RAB27B: variants seen among roughly 807,000 people sequenced by gnomAD.
RAB27B encodes the protein RAB27B, member RAS oncogene family, also known as ras-related protein Rab-27B.
Under a neutral mutation model 24.6 loss-of-function variants are expected in RAB27B, and 15 were observed. The observed-to-expected ratio is 0.61, with a 90% CI of 0.41 to 0.94. The LOEUF is 0.94. RAB27B is among the 40% of genes least tolerant of loss of function. RAB27B has a pLI of 0.00. For synonymous variants in RAB27B, 105 were observed against 92.5 expected (o/e 1.14, Z -0.78); for missense variants, 261 against 266.8 (o/e 0.98, Z 0.15).
chr18:54,767,998 C>T (rs940022897), intron 2 of RAB27B, among the ~76,000 whole-genome samples: 4 of 152,016 alleles, frequency 2.6e-5, no homozygotes, highest in South Asian at 2.1e-4. Context: ...CAAGAATCTC[C>T]GGCTAATAGA....
intron 2 of RAB27B, among the ~76,000 whole-genome samples, chr18:54,735,102 T>C (rs9949234): frequency 0.064 from 9,774 of 152,222 alleles, 403 homozygotes; most frequent in African/African-American, 0.093. Context: ...CATAAATCTT[T>C]GGCATTACTT....
chr18:54,869,675 C>T (rs1912386183), intron 1 of RAB27B, among the ~76,000 whole-genome samples: 1 of 152,148 alleles, frequency 6.6e-6, no homozygotes, highest in Non-Finnish European at 1.5e-5. Flanking sequence ...GATTAATAAC[C>T]TAGGTTATAT....
At chr18:54,808,986 C>A (rs976397809) in intron 2 of RAB27B, among the ~76,000 whole-genome samples, 1 of 152,212 alleles carries the variant, frequency 6.6e-6, no homozygotes, top group African/African-American at 2.4e-5. Context: ...CACAGAAGAA[C>A]TTTTCCTTAG....
At chr18:54,876,373 G>T (rs573261665) in intron 1 of RAB27B, among the ~76,000 whole-genome samples, 2 of 152,210 alleles carry the variant, frequency 1.3e-5, no homozygotes, top group African/African-American at 4.8e-5. Flanking sequence ...ATTTAATTTT[G>T]ATTACCCCAG....
chr18:54,775,863 C>G, intron 2 of RAB27B, among the ~76,000 whole-genome samples: 1 of 152,182 alleles, frequency 6.6e-6, no homozygotes, highest in African/African-American at 2.4e-5. Flanking sequence ...TCGGCACAGT[C>G]ATTCAACATC....
At chr18:54,850,503 A>G (rs867852209) in intron 1 of RAB27B, among the ~76,000 whole-genome samples, 114 of 150,978 alleles carry the variant, frequency 7.6e-4, no homozygotes, top group African/African-American at 2.6e-3. Flanking sequence ...AATAGCTGGG[A>G]CTACAGGTGT....
intron 2 of RAB27B, among the ~76,000 whole-genome samples, chr18:54,754,841 GT>G (rs935073724): frequency 6.6e-6 from 1 of 152,098 alleles, no homozygotes; most frequent in African/African-American, 2.4e-5. Context: ...TCTTTAAATT[GT>G]TTCCTGAGTT....
intron 1 of RAB27B, among the ~76,000 whole-genome samples, chr18:54,840,907 G>C (rs1160257153): frequency 6.6e-6 from 1 of 152,098 alleles, no homozygotes; most frequent in Non-Finnish European, 1.5e-5. Context: ...CCAGCACTTT[G>C]GGAGGCTGAG....
intron 2 of RAB27B, among the ~76,000 whole-genome samples, chr18:54,726,334 C>T (rs902219702): frequency 2.0e-5 from 3 of 151,318 alleles, no homozygotes; most frequent in Non-Finnish European, 3.0e-5. Context: ...AGTGGTTGGC[C>T]GAAGAGAATT....
chr18:54,886,362 G>C (rs1344635222), intron 4 of RAB27B, among the ~76,000 whole-genome samples: 1 of 152,058 alleles, frequency 6.6e-6, no homozygotes, highest in Non-Finnish European at 1.5e-5. Context: ...CCATACCTGG[G>C]TGAGTGCCTG....
At chr18:54,887,434 T>A (rs1019696374) in intron 4 of RAB27B, among the ~76,000 whole-genome samples, 1 of 152,050 alleles carries the variant, frequency 6.6e-6, no homozygotes, top group Non-Finnish European at 1.5e-5. Flanking sequence ...TGCTGTATTA[T>A]TAGAAGAAAT....
intron 2 of RAB27B, among the ~76,000 whole-genome samples, chr18:54,773,818 G>A (rs1199413386): frequency 2.0e-5 from 3 of 151,922 alleles, no homozygotes; most frequent in African/African-American, 7.3e-5. Flanking sequence ...GGGATTACAG[G>A]CACCTGCCAC....
At chr18:54,798,339 G>A (rs899757606) in intron 2 of RAB27B, among the ~76,000 whole-genome samples, 2 of 152,212 alleles carry the variant, frequency 1.3e-5, no homozygotes, top group Admixed American at 6.5e-5. Flanking sequence ...CATAGAGGGC[G>A]AGGGCTTGAA....
chr18:54,730,652 T>G (rs904405606), intron 2 of RAB27B, among the ~76,000 whole-genome samples: 9 of 151,954 alleles, frequency 5.9e-5, no homozygotes, highest in Non-Finnish European at 1.3e-4. Flanking sequence ...GAGCTGGTGT[T>G]GATGGAGCCT....
chr18:54,844,728 A>T (rs946752784), intron 1 of RAB27B, among the ~76,000 whole-genome samples: 1 of 152,250 alleles, frequency 6.6e-6, no homozygotes, highest in Admixed American at 6.5e-5. Context: ...TACTTCTTAC[A>T]AAATAGATCC....
chr18:54,787,322 T>A (rs1909118925), intron 2 of RAB27B, among the ~76,000 whole-genome samples: 1 of 152,198 alleles, frequency 6.6e-6, no homozygotes, highest in African/African-American at 2.4e-5. Flanking sequence ...TGGGGAATGT[T>A]CTCTTTCCTA....
At chr18:54,808,558 A>T (rs989672335) in intron 2 of RAB27B, among the ~76,000 whole-genome samples, 4 of 152,238 alleles carry the variant, frequency 2.6e-5, no homozygotes, top group South Asian at 2.1e-4. Context: ...AATAAAGATG[A>T]CATGTGTCAA....
At chr18:54,860,277 G>T (rs1378790516) in intron 1 of RAB27B, among the ~76,000 whole-genome samples, 3 of 152,092 alleles carry the variant, frequency 2.0e-5, no homozygotes, top group Non-Finnish European at 4.4e-5. Context: ...TCTGAACTCA[G>T]GGCTGTGGAT....
chr18:54,726,510 A>G (rs986000251), intron 2 of RAB27B, among the ~76,000 whole-genome samples: 1 of 151,524 alleles, frequency 6.6e-6, no homozygotes, highest in Non-Finnish European at 1.5e-5. Flanking sequence ...CCTGTTCGCT[A>G]ACATTCAGCA....
Sources: gnomAD v4.1 joint callset for allele counts (sites outside exome capture counted in the v4.1 genomes callset) on GRCh38, gnomAD v4.1.1 for gene constraint, MANE v1.5 for transcripts, NCBI Gene and HGNC (gene_info 2026-07-23, HGNC 2026-07-21) for gene names.